The following SV2C variants were observed in gnomAD, a reference collection of about 807,000 sequenced individuals.
The protein encoded by SV2C is synaptic vesicle glycoprotein 2C, also known as solute carrier family 22 member B3.
A neutral mutation model predicts 79.7 loss-of-function variants in SV2C; 49 were observed. The observed-to-expected ratio is 0.61, with a 90% CI of 0.49 to 0.78. SV2C has a LOEUF of 0.78. SV2C is among the 30% of genes least tolerant of loss of function. SV2C has a pLI of 0.00. For missense variants in SV2C, 833 were observed against 912.9 expected, an observed-to-expected ratio of 0.91 and a Z score of 1.13; for synonymous variants, 334 against 333.2, an observed-to-expected ratio of 1.00 and a Z score of -0.03.
the SV2C span, among the ~76,000 whole-genome samples, chr5:75,986,017 G>C: frequency 6.6e-6 from 1 of 150,678 alleles, no homozygotes; most frequent in African/African-American, 2.4e-5. Context: ...TGAATTGATT[G>C]TGAATAAATG....
At chr5:76,146,339 C>A (rs1170099337) in intron 2 of SV2C, among the ~76,000 whole-genome samples, 1 of 152,174 alleles carries the variant, frequency 6.6e-6, no homozygotes, top group East Asian at 1.9e-4. Context: ...CATGGACCAG[C>A]CCCGAGGGCT....
intron 12 of SV2C, among the ~76,000 whole-genome samples, chr5:76,313,220 G>A (rs1179873973): frequency 6.6e-6 from 1 of 152,158 alleles, no homozygotes; most frequent in Non-Finnish European, 1.5e-5. Context: ...CTAATATAAA[G>A]ATAAATATCT....
intron 12 of SV2C, among the ~76,000 whole-genome samples, chr5:76,312,515 C>T (rs1055535565): frequency 4.6e-5 from 7 of 152,082 alleles, no homozygotes; most frequent in African/African-American, 7.2e-5. Flanking sequence ...GGCCTCCCAA[C>T]GTGCTGGGAT....
chr5:75,951,430 T>C, the SV2C span, among the ~76,000 whole-genome samples: 4 of 152,112 alleles, frequency 2.6e-5, no homozygotes, highest in East Asian at 1.9e-4. Context: ...CAGGGCTTCT[T>C]AAGCTAAATG....
chr5:76,336,855 G>A (rs1375693474), downstream of SV2C, among the ~76,000 whole-genome samples: 1 of 152,246 alleles, frequency 6.6e-6, no homozygotes, highest in African/African-American at 2.4e-5. Context: ...TATCAGGGAT[G>A]ATGGCAAGTA....
chr5:75,933,738 T>A, the SV2C span, among the ~76,000 whole-genome samples: 1 of 152,188 alleles, frequency 6.6e-6, no homozygotes, highest in Non-Finnish European at 1.5e-5. Flanking sequence ...TTTCCTGTCT[T>A]AATTACCCCT....
the SV2C span, among the ~76,000 whole-genome samples, chr5:75,984,561 CTATCTATA>C: frequency 2.0e-5 from 1 of 48,928 alleles, no homozygotes; most frequent in Non-Finnish European, 4.8e-5. Flanking sequence ...ATCTATCTAT[CTATCTATA>C]TCTATCTATC....
At chr5:75,978,226 T>C in the SV2C span, among the ~76,000 whole-genome samples, 1 of 152,182 alleles carries the variant, frequency 6.6e-6, no homozygotes, top group Non-Finnish European at 1.5e-5. Context: ...TTTTGAGTGA[T>C]TTCTTAGGCT....
chr5:76,019,738 A>C, the SV2C span, among the ~76,000 whole-genome samples: 1 of 152,194 alleles, frequency 6.6e-6, no homozygotes. Flanking sequence ...GGGGAAGACA[A>C]GAAGGCCATA....
chr5:75,901,497 TG>T, the SV2C span, among the ~76,000 whole-genome samples: 2 of 152,110 alleles, frequency 1.3e-5, no homozygotes, highest in Non-Finnish European at 2.9e-5. Flanking sequence ...CTGCCCCTAC[TG>T]GGGGGTGCCT....
rs534606566 is a variant in SV2C, at chr5:76,181,827, C to T, written c.581-13092C>T. On this transcript the variant is annotated intron_variant, in intron 2 of 12. Transcript: ENST00000502798. ...AGGCTTTGATTGCTTTCCTTCCCCA[C>T]GCAGGAACCCATAAGTGACTCCTCA... 3.5e-4 allele frequency among the ~76,000 whole-genome samples: 53 copies of T among 152,276 alleles called. No homozygotes were observed. In the Middle Eastern group the frequency reaches 0.01, roughly 29 times the overall value.
At position 76,326,126 on chromosome 5, in the gene SV2C, G is replaced by A. The variant is rs1561319007; in HGVS notation, c.*579G>A. 6.6e-6 allele frequency: 1 copy of A among 152,168 alleles called. No homozygotes were observed. The highest frequency in any genetic ancestry group is 6.5e-5 in the Admixed American group (1 of 15,276). The allele number at this position is 152,168 out of a possible 1,614,324, so 9.4% of individuals were successfully genotyped here. On this transcript the variant is annotated 3_prime_UTR_variant, in exon 13 of 13. Transcript: ENST00000502798. ...GGCTCTTTGGGGCAAGACAATTAAG[G>A]TGACCGCTGACAAGAAAAATAAAAG...
chr5:76,073,523 A>G, the SV2C span, among the ~76,000 whole-genome samples: 5 of 125,888 alleles, frequency 4.0e-5, no homozygotes, highest in African/African-American at 9.7e-5. Flanking sequence ...ATATATATAT[A>G]TATATATATA....
At chr5:76,046,683 G>A in the SV2C span, among the ~76,000 whole-genome samples, 2 of 152,098 alleles carry the variant, frequency 1.3e-5, no homozygotes, top group African/African-American at 4.8e-5. Flanking sequence ...AGCCAAGTCA[G>A]TATTTTTAAA....
At chr5:75,891,478 T>G in the SV2C span, among the ~76,000 whole-genome samples, 1 of 152,152 alleles carries the variant, frequency 6.6e-6, no homozygotes, top group East Asian at 1.9e-4. Flanking sequence ...AGTACACTGA[T>G]GCATAATCAA....
chr5:75,895,185 A>T, the SV2C span, among the ~76,000 whole-genome samples: 2 of 152,132 alleles, frequency 1.3e-5, no homozygotes. Flanking sequence ...AAAGAGAAAA[A>T]TATCTGATTT....
chr5:75,970,926 T>G, the SV2C span, among the ~76,000 whole-genome samples: 2 of 152,048 alleles, frequency 1.3e-5, no homozygotes, highest in African/African-American at 4.8e-5. Context: ...AAATCCTCAA[T>G]AAAATACTGG....
In SV2C at chr5:76,298,806, C is replaced by A; in HGVS notation, c.1515C>A (p.Val505=). 6.2e-7 allele frequency: 1 copy of A among 1,613,772 alleles called. No individual in the cohort carries two copies. The highest frequency in any genetic ancestry group is 8.5e-7 in the Non-Finnish European group (1 of 1,179,762). ...GTGTGTTGGGCAGATTCATAGGGGT[C>A]AAGTTCAAATCTGTAACTTTCAAAG... ...MEYDNGRFIG[V]KFKSVTFKDS... is the part of the protein sequence containing the mutation. The change falls in exon 10 of 13, where the codon GTC becomes GTA. Residue 505 remains valine (V), a synonymous_variant. Transcript: ENST00000502798.
intron 3 of SV2C, among the ~76,000 whole-genome samples, chr5:76,209,322 A>G (rs1164801618): frequency 1.3e-5 from 2 of 152,236 alleles, no homozygotes; most frequent in Admixed American, 6.5e-5. Flanking sequence ...AAGTCCCCAC[A>G]TCAGGAATGG....
Sources: gnomAD v4.1 joint callset for allele counts (sites outside exome capture counted in the v4.1 genomes callset) on GRCh38, gnomAD v4.1.1 for gene constraint, MANE v1.5 for transcripts, NCBI Gene and HGNC (gene_info 2026-07-23, HGNC 2026-07-21) for gene names.